PRH1: variants seen among roughly 807,000 people sequenced by gnomAD.
PRH1 encodes proline rich protein HaeIII subfamily 1.
A neutral mutation model predicts 7.9 loss-of-function variants in PRH1; 7 were observed. That is an observed-to-expected ratio of 0.89 (90% CI 0.50 to 1.67). The LOEUF (loss-of-function observed/expected upper bound fraction) is 1.67. PRH1 is among the 40% of genes most tolerant of loss of function. PRH1 has a pLI of 0.00. For synonymous variants in PRH1, 45 were observed against 80.8 expected, an observed-to-expected ratio of 0.56 and a Z score of 2.38; for missense variants, 109 against 223.6, an observed-to-expected ratio of 0.49 and a Z score of 3.27.
chr12:11,143,714 G>C (rs1946777383), intron 1 of PRH1, among the ~76,000 whole-genome samples: 1 of 152,092 alleles, frequency 6.6e-6, no homozygotes, highest in Non-Finnish European at 1.5e-5. Context: ...TAGATTTCAA[G>C]ACAAAAACTA....
Position 11,083,535 on chromosome 12 carries a change from T to TA in PRH1, n.124-36348dup, listed in dbSNP as rs1231728199. 1.3e-4 allele frequency among the ~76,000 whole-genome samples: 4 copies of TA among 29,950 alleles called. No homozygotes were observed. In the South Asian group the frequency reaches 2.0e-3, roughly 15 times the overall value. The allele number at this position is 29,950 out of a possible 152,430, so 19.6% of individuals were successfully genotyped here. A position where few individuals can be genotyped will look rare whatever the true frequency, so the allele number is the denominator to read the frequency against. On this transcript the variant is annotated intron_variant and non_coding_transcript_variant, in intron 1 of 4. Transcript: ENST00000541977. ...ATTTTTATTATTGTGAAACATAACA[T>TA]ACATATATATATAAAGTAATAAGGT... is the stretch of plus-strand genomic sequence containing the variant.
intron 1 of PRH1, among the ~76,000 whole-genome samples, chr12:11,002,918 T>C (rs1337561557): frequency 6.6e-6 from 1 of 152,062 alleles, no homozygotes; most frequent in East Asian, 1.9e-4. Flanking sequence ...GCAAAAATTG[T>C]CCTATACACT....
chr12:11,009,778 A>G (rs1940986911), intron 1 of PRH1, among the ~76,000 whole-genome samples: 1 of 151,994 alleles, frequency 6.6e-6, no homozygotes, highest in South Asian at 2.1e-4. Flanking sequence ...TGGAAATTCA[A>G]TAAGCAGCTT....
At chr12:11,086,119 C>T (rs1191809091) in intron 1 of PRH1, among the ~76,000 whole-genome samples, 6 of 110,474 alleles carry the variant, frequency 5.4e-5, no homozygotes, top group East Asian at 4.3e-4. Flanking sequence ...CCCCCACACA[C>T]ACACCCCTCA....
intron 2 of PRH1, chr12:10,908,458 GAAGA>G (rs1339879667): frequency 1.6e-5 from 26 of 1,613,950 alleles, no homozygotes; most frequent in Admixed American, 3.3e-5. Context: ...CCTAGAATCA[GAAGA>G]AAGGAGTGGC....
intron 1 of PRH1, among the ~76,000 whole-genome samples, chr12:10,976,482 AT>A (rs1202321381): frequency 6.6e-6 from 1 of 152,188 alleles, no homozygotes; most frequent in Non-Finnish European, 1.5e-5. Context: ...AAGATCTCAA[AT>A]TAACAACCTA....
chr12:11,098,501 C>G (rs1945129515), intron 1 of PRH1, among the ~76,000 whole-genome samples: 1 of 152,176 alleles, frequency 6.6e-6, no homozygotes, highest in Non-Finnish European at 1.5e-5. Context: ...AGAACGTACT[C>G]TCTTTCAGAG....
intron 2 of PRH1, among the ~76,000 whole-genome samples, chr12:10,963,354 T>C (rs551557574): frequency 1.3e-5 from 2 of 152,208 alleles, no homozygotes; most frequent in Non-Finnish European, 2.9e-5. Context: ...CTATCATCAA[T>C]ACATAGATGT....
intron 2 of PRH1, chr12:10,938,800 C>G: frequency 6.2e-7 from 1 of 1,613,316 alleles, no homozygotes; most frequent in East Asian, 2.2e-5. Context: ...AGACCGAAGT[C>G]ACAAGAAGCA....
intron 1 of PRH1, among the ~76,000 whole-genome samples, chr12:11,113,194 A>T (rs914904868): frequency 3.3e-5 from 5 of 152,206 alleles, no homozygotes; most frequent in African/African-American, 1.2e-4. Flanking sequence ...GACTTTCTTC[A>T]AAGAATTGGA....
At chr12:11,039,313 A>G (rs1257229207) in intron 1 of PRH1, among the ~76,000 whole-genome samples, 10 of 152,256 alleles carry the variant, frequency 6.6e-5, no homozygotes, top group African/African-American at 2.4e-4. Context: ...TCTGTGACCA[A>G]TGTCAAACAG....
At chr12:11,030,665 T>G in intron 1 of PRH1, 1 of 1,614,204 alleles carries the variant, frequency 6.2e-7, no homozygotes, top group Non-Finnish European at 8.5e-7. Context: ...AGCTTTTATG[T>G]GGACCTTGGT....
At chr12:11,072,354 C>A (rs1283739434) in intron 1 of PRH1, among the ~76,000 whole-genome samples, 1 of 152,034 alleles carries the variant, frequency 6.6e-6, no homozygotes, top group Admixed American at 6.6e-5. Context: ...CAAGGTGGAT[C>A]TAATCAGTTT....
At chr12:10,909,464 T>G in intron 2 of PRH1, 2 of 599,146 alleles carry the variant, frequency 3.3e-6, no homozygotes, top group South Asian at 4.6e-5. Context: ...TAAAGTTTGC[T>G]GATCGATCTT....
chr12:11,014,961 G>A (rs1408817680), intron 1 of PRH1, among the ~76,000 whole-genome samples: 2 of 152,110 alleles, frequency 1.3e-5, no homozygotes, highest in Non-Finnish European at 2.9e-5. Flanking sequence ...AATGATAATT[G>A]CTCACAGGCA....
At position 10,940,646 on chromosome 12, in the gene PRH1, C is replaced by G. The variant is rs147063929; in HGVS notation, c.-59+33009G>C. Among the ~76,000 whole-genome samples, 257 of 152,222 alleles carry G rather than the reference C, an allele frequency of 1.7e-3. 2 individuals carry two copies. The highest frequency in any genetic ancestry group is 5.8e-3 in the African/African-American group (242 of 41,530). On this transcript the variant is annotated intron_variant, in intron 2 of 3. Coordinates refer to the PRH1 transcript ENST00000539853. ...TACTCCATGATCCTCACTACAGGGACCAATGTAGATAAAGGATGACATACT... is the reference window on the plus strand; with the variant it reads ...TACTCCATGATCCTCACTACAGGGAGCAATGTAGATAAAGGATGACATACT...
chr12:11,125,246 A>AT (rs1300246630), intron 1 of PRH1, among the ~76,000 whole-genome samples: 1 of 152,354 alleles, frequency 6.6e-6, no homozygotes, highest in South Asian at 2.1e-4. Context: ...TTTACTTGCT[A>AT]TTTTTTTTCT....
chr12:10,900,937 C>T (rs780714565), intron 2 of PRH1, among the ~76,000 whole-genome samples: 3 of 152,152 alleles, frequency 2.0e-5, no homozygotes, highest in Non-Finnish European at 2.9e-5. Context: ...TGCAATGGGG[C>T]CCTCTCTGCT....
At chr12:11,022,905 T>A (rs1406065485) in intron 1 of PRH1, among the ~76,000 whole-genome samples, 1 of 152,222 alleles carries the variant, frequency 6.6e-6, no homozygotes, top group East Asian at 1.9e-4. Flanking sequence ...GAAAGGCATA[T>A]TATTTTTCAT....
Sources: gnomAD v4.1 joint callset for allele counts (sites outside exome capture counted in the v4.1 genomes callset) on GRCh38, gnomAD v4.1.1 for gene constraint, MANE v1.5 for transcripts, NCBI Gene and HGNC (gene_info 2026-07-23, HGNC 2026-07-21) for gene names.